NR2C2: variants seen among roughly 807,000 people sequenced by gnomAD.
The protein encoded by NR2C2 is Nuclear hormone receptor TR4.
Under a neutral mutation model 62.9 loss-of-function variants are expected in NR2C2, and 6 were observed. The ratio of observed to expected loss-of-function variants is 0.10; its 90% CI spans 0.05 to 0.19. The LOEUF (loss-of-function observed/expected upper bound fraction) is 0.19, where lower values mean the gene tolerates loss of function less well. NR2C2 is among the 10% of genes least tolerant of loss of function. The probability of loss-of-function intolerance (pLI) is 1.00; values close to 1 mark genes in which losing one functional copy is unlikely to be tolerated. For missense variants in NR2C2, 479 were observed against 762.7 expected (o/e 0.63, Z 4.38); for synonymous variants, 272 against 273.8 (o/e 0.99, Z 0.07).
At chr3:14,981,197 T>C (rs1185412348) in intron 1 of NR2C2, among the ~76,000 whole-genome samples, 1 of 152,204 alleles carries the variant, frequency 6.6e-6, no homozygotes, top group Non-Finnish European at 1.5e-5. Flanking sequence ...CAGGGTGCAA[T>C]GGCTCACACC....
At chr3:15,003,845 C>T in intron 1 of NR2C2, 31 bp from the exon 2 acceptor site, 10 of 1,471,018 alleles carry the variant, frequency 6.8e-6, no homozygotes, top group Non-Finnish European at 9.5e-6. Flanking sequence ...TTCTGAACCC[C>T]CTTGTGATCC....
intron 1 of NR2C2, chr3:14,948,586 C>T (rs1559520166): frequency 5.2e-5 from 1 of 19,296 alleles, no homozygotes; most frequent in East Asian, 9.9e-4. Flanking sequence ...GGGGCCGGGT[C>T]GGCGGGGGCG....
chr3:14,983,162 G>A (rs1193954385), intron 1 of NR2C2, among the ~76,000 whole-genome samples: 2 of 151,868 alleles, frequency 1.3e-5, no homozygotes, highest in Non-Finnish European at 2.9e-5. Flanking sequence ...AACTTATTGC[G>A]GACTGTAATT....
intron 1 of NR2C2, among the ~76,000 whole-genome samples, chr3:14,991,865 G>T (rs1348671605): frequency 1.3e-5 from 2 of 149,170 alleles, no homozygotes; most frequent in African/African-American, 5.0e-5. Context: ...AAACTCCTGA[G>T]CTCAAGTGCT....
chr3:14,967,327 CTA>C (rs1205065526), intron 1 of NR2C2, among the ~76,000 whole-genome samples: 1 of 151,610 alleles, frequency 6.6e-6, no homozygotes, highest in South Asian at 2.1e-4. Flanking sequence ...TGGATTTTCT[CTA>C]TTGTTTTTCT....
chr3:14,950,981 A>G (rs1291022137), intron 1 of NR2C2, among the ~76,000 whole-genome samples: 1 of 152,244 alleles, frequency 6.6e-6, no homozygotes. Context: ...ATATGGATAA[A>G]ATGACCCATT....
chr3:15,013,886 G>A (rs2041426382), intron 3 of NR2C2, 97 bp downstream of exon 3: 2 of 1,322,618 alleles, frequency 1.5e-6, no homozygotes, highest in African/African-American at 1.5e-5. Context: ...ATCCATCCCT[G>A]GAAGGTTCCT....
intron 1 of NR2C2, among the ~76,000 whole-genome samples, chr3:14,997,580 C>G (rs2124888607): frequency 6.6e-6 from 1 of 152,270 alleles, no homozygotes; most frequent in Admixed American, 6.5e-5. Flanking sequence ...TCAGCCTCAC[C>G]ATACCTCCTA....
intron 1 of NR2C2, among the ~76,000 whole-genome samples, chr3:14,982,376 C>G (rs1012550679): frequency 6.6e-6 from 1 of 152,160 alleles, no homozygotes; most frequent in African/African-American, 2.4e-5. Flanking sequence ...CATATGGAAA[C>G]AAAAACCTGC....
intron 1 of NR2C2, among the ~76,000 whole-genome samples, chr3:14,950,348 G>A (rs2039316040): frequency 6.6e-6 from 1 of 152,160 alleles, no homozygotes; most frequent in Admixed American, 6.5e-5. Flanking sequence ...TCTCTTACAG[G>A]CAGTATGTTG....
At chr3:14,995,043 C>T (rs892025369) in intron 1 of NR2C2, among the ~76,000 whole-genome samples, 8 of 134,224 alleles carry the variant, frequency 6.0e-5, no homozygotes, top group Non-Finnish European at 9.3e-5. Flanking sequence ...TGAATTTGCA[C>T]AATCATAGCT....
chr3:15,005,679 C>T (rs2041153867), intron 2 of NR2C2, among the ~76,000 whole-genome samples: 1 of 151,972 alleles, frequency 6.6e-6, no homozygotes, highest in Non-Finnish European at 1.5e-5. Context: ...TACAAATGTG[C>T]ACCACTGTCA....
intron 1 of NR2C2, among the ~76,000 whole-genome samples, chr3:14,966,093 C>A (rs1376279098): frequency 6.6e-6 from 1 of 152,216 alleles, no homozygotes; most frequent in African/African-American, 2.4e-5. Flanking sequence ...AGAGGGCCTA[C>A]ACTTTATCAT....
chr3:14,954,798 T>A (rs2039475535), intron 1 of NR2C2, among the ~76,000 whole-genome samples: 1 of 152,142 alleles, frequency 6.6e-6, no homozygotes, highest in Non-Finnish European at 1.5e-5. Context: ...GTTCAGTTAG[T>A]GAAAATTCAT....
At chr3:14,978,289 G>A (rs1374888299) in intron 1 of NR2C2, among the ~76,000 whole-genome samples, 1 of 152,118 alleles carries the variant, frequency 6.6e-6, no homozygotes, top group Non-Finnish European at 1.5e-5. Flanking sequence ...GAACCTCATA[G>A]CTTAGTCGAA....
In NR2C2 at chr3:15,028,630, G is replaced by A. The variant is rs937168400; in HGVS notation, c.843G>A (p.Val281=). The A allele has an allele frequency of 6.2e-7, 1 of 1,613,862 alleles. No individual in the cohort carries two copies. Among genetic ancestry groups the A allele is most frequent in the Non-Finnish European group, 8.5e-7 (1 of 1,179,898 alleles). The change falls in exon 8 of 14, where the codon GTG becomes GTA. Residue 281 remains valine, a synonymous_variant. Transcript: ENST00000425241. ...QGALGTLANV[V]TSLANLSESL... ...CTCTGGGCACACTGGCAAATGTAGTGACCTCCCTTGCCAACCTAAGTGAAT... is the reference window on the plus strand; with the variant it reads ...CTCTGGGCACACTGGCAAATGTAGTAACCTCCCTTGCCAACCTAAGTGAAT...
intron 12 of NR2C2, chr3:15,038,372 A>T: frequency 5.3e-6 from 2 of 378,884 alleles, no homozygotes; most frequent in Non-Finnish European, 9.4e-6. Context: ...GAATAGATTT[A>T]ATCTGTGTCC....
chr3:15,002,458 A>C (rs372383447), intron 1 of NR2C2, among the ~76,000 whole-genome samples: 1 of 151,770 alleles, frequency 6.6e-6, no homozygotes, highest in Non-Finnish European at 1.5e-5. Flanking sequence ...TTTATATACC[A>C]CTGGATTTGG....
At chr3:14,952,738 C>G (rs1398142646) in intron 1 of NR2C2, among the ~76,000 whole-genome samples, 2 of 151,962 alleles carry the variant, frequency 1.3e-5, no homozygotes, top group Admixed American at 6.6e-5. Flanking sequence ...CTTAATATGC[C>G]AGAGGCTGAG....
Sources: gnomAD v4.1 joint callset for allele counts (sites outside exome capture counted in the v4.1 genomes callset) on GRCh38, gnomAD v4.1.1 for gene constraint, MANE v1.5 for transcripts, NCBI Gene and HGNC (gene_info 2026-07-23, HGNC 2026-07-21) for gene names.